Variants in UCK2 observed in about 807,000 individuals in gnomAD.
The protein encoded by UCK2 is cytidine monophosphokinase 2.
UCK2 carries 6 observed loss-of-function variants against 30.8 expected under a neutral mutation model. That is an observed-to-expected ratio of 0.19 (90% CI 0.11 to 0.38). The LOEUF is 0.38. UCK2 is among the 10% of genes least tolerant of loss of function. The probability of loss-of-function intolerance (pLI) is 1.00; values close to 1 mark genes in which losing one functional copy is unlikely to be tolerated. For missense variants in UCK2, 210 were observed against 339.8 expected (o/e 0.62, Z 3.00); for synonymous variants, 125 against 133.6 (o/e 0.94, Z 0.45).
chr1:165,835,443 G>A (rs1487322717), intron 1 of UCK2, among the ~76,000 whole-genome samples: 3 of 151,398 alleles, frequency 2.0e-5, no homozygotes, highest in East Asian at 1.9e-4. Flanking sequence ...TCAAGCGGTC[G>A]TCCTGTCTTG....
At chr1:165,838,655 A>G (rs1196458248) in intron 1 of UCK2, among the ~76,000 whole-genome samples, 2 of 151,964 alleles carry the variant, frequency 1.3e-5, no homozygotes, top group African/African-American at 4.8e-5. Context: ...CTCTTGGGGT[A>G]CCATCACCTG....
At chr1:165,846,743 C>T (rs574964562) in intron 1 of UCK2, among the ~76,000 whole-genome samples, 76 of 152,296 alleles carry the variant, frequency 5.0e-4, no homozygotes, top group African/African-American at 1.8e-3. Context: ...AACAAGGATC[C>T]TGGAAGCTGA....
chr1:165,828,110 G>A (rs1337497002), intron 1 of UCK2, among the ~76,000 whole-genome samples, 178 bp downstream of exon 1: 1 of 151,190 alleles, frequency 6.6e-6, no homozygotes, highest in African/African-American at 2.4e-5. Context: ...CTGCGGCGGG[G>A]GCAGGCGAAG....
chr1:165,867,017 A>G (rs1655062799), intron 1 of UCK2, among the ~76,000 whole-genome samples: 2 of 152,366 alleles, frequency 1.3e-5, no homozygotes, highest in Non-Finnish European at 2.9e-5. Flanking sequence ...AATAAAGTGA[A>G]TATCATAGTA....
At chr1:165,865,406 C>G (rs1031573610) in intron 1 of UCK2, among the ~76,000 whole-genome samples, 1 of 152,110 alleles carries the variant, frequency 6.6e-6, no homozygotes, top group South Asian at 2.1e-4. Flanking sequence ...CCCTCCACCC[C>G]CTGCAAAGCA....
chr1:165,828,799 G>C (rs1269345584), intron 1 of UCK2, among the ~76,000 whole-genome samples: 1 of 152,148 alleles, frequency 6.6e-6, no homozygotes, highest in Non-Finnish European at 1.5e-5. Context: ...GGTGGAGAAG[G>C]GTGGAGTCCT....
chr1:165,865,681 G>A (rs1250446751), intron 1 of UCK2, among the ~76,000 whole-genome samples: 1 of 152,066 alleles, frequency 6.6e-6, no homozygotes, highest in Non-Finnish European at 1.5e-5. Flanking sequence ...AAACAAAGCC[G>A]GTACCTTGAG....
At position 165,907,939 on chromosome 1, in the gene UCK2, G is replaced by T. The variant is rs1227127931; in HGVS notation, c.*116G>T. On this transcript the variant is annotated 3_prime_UTR_variant, in exon 7 of 7. Coordinates refer to ENST00000367879, the MANE Select transcript of UCK2 (RefSeq NM_012474.5). ...ATTACTGTATTTAAGAAAACACCAT[G>T]GAGATGAAATGCCTTTGATTTTTTT... is the stretch of plus-strand genomic sequence containing the variant. 2.2e-6 allele frequency: 3 copies of T among 1,382,652 alleles called. No individual in the cohort carries two copies. Among genetic ancestry groups the T allele is most frequent in the African/African-American group, 2.9e-5 (2 of 68,502 alleles). The allele number at this position is 1,382,652 out of a possible 1,614,324, so 85.6% of individuals were successfully genotyped here. A position where few individuals can be genotyped will look rare whatever the true frequency, so the allele number is the denominator to read the frequency against.
chr1:165,878,339 T>TG (rs1215986204), intron 1 of UCK2, among the ~76,000 whole-genome samples: 1 of 151,922 alleles, frequency 6.6e-6, no homozygotes, highest in African/African-American at 2.4e-5. Flanking sequence ...TTCTTTCTTT[T>TG]TTTTTTTTTG....
intron 1 of UCK2, among the ~76,000 whole-genome samples, chr1:165,829,304 A>C (rs1225585413): frequency 6.6e-6 from 1 of 152,222 alleles, no homozygotes. Flanking sequence ...ACTATGACTT[A>C]TACTAGTAAT....
At chr1:165,866,816 A>T (rs1036188460) in intron 1 of UCK2, among the ~76,000 whole-genome samples, 1 of 152,168 alleles carries the variant, frequency 6.6e-6, no homozygotes, top group African/African-American at 2.4e-5. Context: ...CTCAAGACTC[A>T]TCGTACTGTA....
chr1:165,883,298 T>C (rs968361138), intron 1 of UCK2, among the ~76,000 whole-genome samples: 2 of 152,282 alleles, frequency 1.3e-5, no homozygotes, highest in Non-Finnish European at 2.9e-5. Context: ...CATGAGGAAC[T>C]GCAAAGGTGG....
At chr1:165,899,709 G>A (rs967503692) in intron 4 of UCK2, among the ~76,000 whole-genome samples, 1 of 152,172 alleles carries the variant, frequency 6.6e-6, no homozygotes, top group African/African-American at 2.4e-5. Flanking sequence ...TGGAGGGGCT[G>A]GTTTTGAGCC....
intron 1 of UCK2, among the ~76,000 whole-genome samples, chr1:165,879,320 G>A (rs1412329188): frequency 6.6e-6 from 1 of 152,058 alleles, no homozygotes; most frequent in African/African-American, 2.4e-5. Flanking sequence ...CACCATGCTT[G>A]GCTTGAGGTT....
chr1:165,837,051 C>T (rs968395583), intron 1 of UCK2, among the ~76,000 whole-genome samples: 6 of 152,114 alleles, frequency 3.9e-5, no homozygotes, highest in African/African-American at 7.2e-5. Context: ...CCTGTCATAA[C>T]GAATCTGCTC....
chr1:165,888,759 A>C (rs1294876503), intron 1 of UCK2, among the ~76,000 whole-genome samples: 1 of 149,334 alleles, frequency 6.7e-6, no homozygotes, highest in Non-Finnish European at 1.5e-5. Flanking sequence ...ATGGGATTAC[A>C]GGCATGGGCC....
At chr1:165,870,151 T>A (rs1397307153) in intron 1 of UCK2, among the ~76,000 whole-genome samples, 1 of 151,952 alleles carries the variant, frequency 6.6e-6, no homozygotes, top group Non-Finnish European at 1.5e-5. Flanking sequence ...TTTGTTGTTG[T>A]TGTTTGTTTC....
intron 1 of UCK2, among the ~76,000 whole-genome samples, chr1:165,840,314 A>G (rs1654297511): frequency 6.6e-6 from 1 of 152,252 alleles, no homozygotes; most frequent in Non-Finnish European, 1.5e-5. Context: ...GTTTTAATGT[A>G]TGTATACATT....
intron 4 of UCK2, among the ~76,000 whole-genome samples, chr1:165,897,252 C>T (rs191726007): frequency 2.0e-5 from 3 of 151,624 alleles, no homozygotes; most frequent in East Asian, 3.9e-4. Flanking sequence ...AGGTTCTGAG[C>T]GAGGCAAGTG....
Sources: gnomAD v4.1 joint callset for allele counts (sites outside exome capture counted in the v4.1 genomes callset) on GRCh38, gnomAD v4.1.1 for gene constraint, MANE v1.5 for transcripts, NCBI Gene and HGNC (gene_info 2026-07-23, HGNC 2026-07-21) for gene names.